The following PROS1 variants were observed in gnomAD, a reference collection of about 807,000 sequenced individuals.
The protein encoded by PROS1 is protein S.
Under a neutral mutation model 75.9 loss-of-function variants are expected in PROS1, and 29 were observed. The observed-to-expected ratio is 0.38, with a 90% confidence interval of 0.28 to 0.52. The LOEUF (loss-of-function observed/expected upper bound fraction) is 0.52, where lower values mean the gene tolerates loss of function less well. PROS1 is among the 20% of genes least tolerant of loss of function. PROS1 has a pLI of 0.83. For synonymous variants in PROS1, 245 were observed against 280.6 expected (o/e 0.87, Z 1.27); for missense variants, 680 against 810.3 (o/e 0.84, Z 1.95).
chr3:93,903,966 T>A (rs1576185975), intron 6 of PROS1, among the ~76,000 whole-genome samples: 1 of 102,078 alleles, frequency 9.8e-6, no homozygotes, highest in African/African-American at 3.8e-5. Flanking sequence ...CCCTTCCCCC[T>A]CCCCCCACCC....
chr3:93,943,858 G>C (rs1203754339), intron 1 of PROS1, among the ~76,000 whole-genome samples: 1 of 152,020 alleles, frequency 6.6e-6, no homozygotes, highest in African/African-American at 2.4e-5. Flanking sequence ...CTCCCCCATT[G>C]AGCACCTTGT....
rs768547718 is a variant in PROS1 at position 93,910,668 on chromosome 3, A to T, written c.297T>A (p.Ala99=). The T allele has an allele frequency of 1.2e-6, 2 of 1,613,742 alleles. No homozygotes were observed. Among genetic ancestry groups the T allele is most frequent in the South Asian group, 2.2e-5 (2 of 91,026 alleles). ...LRSFQTGLFT[A]ARQSTNAYPD... ...GATAAGCATTAGTTGACTGACGTGC[A>T]GCAGTGAATAACCCAGTTTGAAAAG... Residue 99 remains alanine (A), a synonymous_variant, in exon 4 of 15, where the codon GCT becomes GCA. Transcript: ENST00000394236.
At chr3:93,928,915 G>A (rs1217188425) in intron 1 of PROS1, 1 of 341,034 alleles carries the variant, frequency 2.9e-6, no homozygotes, top group Non-Finnish European at 5.4e-6. Flanking sequence ...TTGCATATTA[G>A]ACTGGCAAAA....
chr3:93,952,090 T>G (rs1709508414), intron 1 of PROS1, among the ~76,000 whole-genome samples: 1 of 152,148 alleles, frequency 6.6e-6, no homozygotes, highest in Non-Finnish European at 1.5e-5. Context: ...AGCAAGTCCT[T>G]AGAGACCTAG....
At chr3:93,909,416 C>T (rs907687150) in intron 4 of PROS1, among the ~76,000 whole-genome samples, 4 of 50,824 alleles carry the variant, frequency 7.9e-5, no homozygotes, top group African/African-American at 3.0e-4. Flanking sequence ...GCCTGGGCAA[C>T]AAAGCAAGAG....
chr3:93,875,675 TATC>T (rs1312473724), intron 14 of PROS1, among the ~76,000 whole-genome samples: 2 of 135,362 alleles, frequency 1.5e-5, no homozygotes, highest in African/African-American at 2.6e-5. Context: ...TCTATCTATC[TATC>T]ATCTATCTAT....
intron 8 of PROS1, among the ~76,000 whole-genome samples, chr3:93,897,578 A>T (rs140559782): frequency 5.9e-5 from 9 of 152,084 alleles, no homozygotes; most frequent in Non-Finnish European, 1.2e-4. Context: ...CAAAATTACA[A>T]CAAATGCCAA....
chr3:93,886,039 A>G (rs1363867670), intron 11 of PROS1, among the ~76,000 whole-genome samples: 2 of 152,140 alleles, frequency 1.3e-5, no homozygotes, highest in Admixed American at 6.6e-5. Flanking sequence ...TGAACATTAC[A>G]TTACTAATGT....
intron 1 of PROS1, among the ~76,000 whole-genome samples, chr3:93,940,767 G>A (rs1709271833): frequency 1.3e-5 from 2 of 151,964 alleles, no homozygotes; most frequent in Admixed American, 6.6e-5. Flanking sequence ...CCCACAACAG[G>A]CTTTAAGGGG....
At chr3:93,908,591 T>A (rs1708710848) in intron 4 of PROS1, among the ~76,000 whole-genome samples, 1 of 152,198 alleles carries the variant, frequency 6.6e-6, no homozygotes, top group Admixed American at 6.5e-5. Context: ...TTTGGCTGAA[T>A]GATGATTTGC....
chr3:93,874,137 A>G lies in PROS1; in HGVS notation c.*108T>C. ...CTTTTAAAAATCCCAGGAAAGGACCACAAAATAATCAAAGACTGCACATTG... is the reference window on the plus strand; with the variant it reads ...CTTTTAAAAATCCCAGGAAAGGACCGCAAAATAATCAAAGACTGCACATTG... On this transcript the variant is annotated 3_prime_UTR_variant, in exon 15 of 15. Transcript: ENST00000394236. 1 of 1,304,170 alleles carries G rather than the reference A, an allele frequency of 7.7e-7. No individual in the cohort carries two copies. The highest frequency in any genetic ancestry group is 1.1e-6 in the Non-Finnish European group (1 of 926,780). 80.8% of individuals were successfully genotyped at this position (1,304,170 alleles called of 1,614,324 possible).
chr3:93,973,546 T>A, intron 1 of PROS1, 128 bp downstream of exon 1: 1 of 915,510 alleles, frequency 1.1e-6, no homozygotes, highest in Non-Finnish European at 1.8e-6. Flanking sequence ...ATCCGCTGGG[T>A]GTCTGTCGGT....
At chr3:93,897,342 A>G (rs1395482776) in intron 8 of PROS1, among the ~76,000 whole-genome samples, 1 of 149,980 alleles carries the variant, frequency 6.7e-6, no homozygotes, top group African/African-American at 2.5e-5. Flanking sequence ...AGCTTTTAAC[A>G]TACAAATTAT....
At chr3:93,906,221 T>C in intron 4 of PROS1, 78 bp from the exon 5 acceptor site, 1 of 1,502,046 alleles carries the variant, frequency 6.7e-7, no homozygotes, top group Non-Finnish European at 9.1e-7. Flanking sequence ...ATAATAAAAA[T>C]CCTGAAGCCT....
intron 10 of PROS1, among the ~76,000 whole-genome samples, chr3:93,887,184 C>A (rs1231234113): frequency 6.6e-6 from 1 of 152,138 alleles, no homozygotes; most frequent in Non-Finnish European, 1.5e-5. Context: ...TCCCAAAGTG[C>A]TGGGATTACA....
intron 1 of PROS1, among the ~76,000 whole-genome samples, chr3:93,966,336 G>A (rs534176719): frequency 7.5e-4 from 114 of 152,302 alleles, no homozygotes; most frequent in African/African-American, 2.7e-3. Context: ...AGCAAGAATT[G>A]TCCCAGAGAT....
chr3:93,913,104 G>C (rs564702520), intron 3 of PROS1, among the ~76,000 whole-genome samples: 1 of 151,848 alleles, frequency 6.6e-6, no homozygotes, highest in South Asian at 2.1e-4. Flanking sequence ...TCAGGGGGGC[G>C]ATTTTCCCCA....
rs894213109 is a variant in PROS1 at position 93,910,574 on chromosome 3, CAG to C, written c.346+43_346+44del. On this transcript the variant is annotated intron_variant, in intron 4 of 14. Coordinates refer to ENST00000394236, the MANE Select transcript of PROS1 (RefSeq NM_000313.4). ...TATTACCATGGGTGTACTTTACCTACAGAGTTTTTGTTTTGTTTTTTCAATTG... is the reference window on the plus strand; with the variant it reads ...TATTACCATGGGTGTACTTTACCTACAGTTTTTGTTTTGTTTTTTCAATTG... 6.0e-6 allele frequency: 9 copies of C among 1,489,292 alleles called. No individual in the cohort carries two copies. In the African/African-American group the frequency reaches 1.1e-4, roughly 18 times the overall value. The allele number at this position is 1,489,292 out of a possible 1,614,324, so 92.3% of individuals were successfully genotyped here.
At chr3:93,956,675 C>T (rs1225957382) in intron 1 of PROS1, among the ~76,000 whole-genome samples, 1 of 152,026 alleles carries the variant, frequency 6.6e-6, no homozygotes, top group Admixed American at 6.6e-5. Context: ...GGTCTTCTTA[C>T]CCTCACTTTG....
Sources: allele counts gnomAD v4.1 joint callset (sites outside exome capture counted in the v4.1 genomes callset), GRCh38; gene constraint gnomAD v4.1.1; transcripts MANE v1.5; gene names NCBI Gene and HGNC (gene_info 2026-07-23, HGNC 2026-07-21).